The following TAFA1 variants were observed in gnomAD, a reference collection of about 807,000 sequenced individuals.
The protein encoded by TAFA1 is TAFA chemokine like family member 1, also known as chemokine-like protein TAFA-1.
In TAFA1, 4 loss-of-function variants were observed where a neutral mutation model predicts 18.5. That is an observed-to-expected ratio of 0.22 (90% CI 0.11 to 0.49). The LOEUF (loss-of-function observed/expected upper bound fraction) is 0.49, where lower values mean the gene tolerates loss of function less well. Among genes scored for constraint, TAFA1 ranks in the 20% least tolerant of loss-of-function variants. The probability of loss-of-function intolerance (pLI) is 0.98; values close to 1 mark genes in which losing one functional copy is unlikely to be tolerated. For synonymous variants in TAFA1, 56 were observed against 55.2 expected, an observed-to-expected ratio of 1.01 and a Z score of -0.06; for missense variants, 147 against 169.0, an observed-to-expected ratio of 0.87 and a Z score of 0.72.
chr3:68,451,740 C>T (rs1438619416), intron 3 of TAFA1, among the ~76,000 whole-genome samples: 1 of 152,198 alleles, frequency 6.6e-6, no homozygotes, highest in African/African-American at 2.4e-5. Flanking sequence ...ACTCTCTCCA[C>T]ATCATAGGGA....
At chr3:68,496,999 A>C (rs1228124933) in intron 3 of TAFA1, among the ~76,000 whole-genome samples, 1 of 152,122 alleles carries the variant, frequency 6.6e-6, no homozygotes, top group Non-Finnish European at 1.5e-5. Flanking sequence ...AGACCTTTGA[A>C]CTGCCTTCAT....
intron 2 of TAFA1, among the ~76,000 whole-genome samples, chr3:68,266,496 A>G (rs1240034001): frequency 2.6e-5 from 4 of 152,138 alleles, no homozygotes; most frequent in African/African-American, 9.7e-5. Context: ...CATGGTTTAT[A>G]AGGGTTTTCA....
intron 3 of TAFA1, among the ~76,000 whole-genome samples, chr3:68,501,154 GA>G (rs57247656): frequency 0.5 from 45,921 of 91,328 alleles, 10,299 homozygotes; most frequent in African/African-American, 0.72. Flanking sequence ...GACCCTGTCT[GA>G]AAAAAAAAAA....
rs182664896 is a variant in TAFA1, at chr3:68,356,606, G to A, written c.119-60674G>A. Among the ~76,000 whole-genome samples, 525 of 151,740 alleles carry A rather than the reference G, an allele frequency of 3.5e-3. 4 individuals are homozygous for A. The highest frequency in any genetic ancestry group is 9.9e-3 in the Admixed American group (150 of 15,200). On this transcript the variant is annotated intron_variant, in intron 2 of 4. Coordinates refer to ENST00000478136, the MANE Select transcript of TAFA1 (RefSeq NM_213609.4). ...ACATGCAGTATCTGATTTAATTCCC[G>A]CCACCATCCTGTGAGATGGCTTCTC...
At chr3:68,290,352 T>A (rs1039557118) in intron 2 of TAFA1, among the ~76,000 whole-genome samples, 13 of 152,170 alleles carry the variant, frequency 8.5e-5, no homozygotes. Context: ...AACACTACCC[T>A]TAAAATACAC....
chr3:68,134,701 T>A (rs573336911), intron 2 of TAFA1, among the ~76,000 whole-genome samples: 1 of 152,292 alleles, frequency 6.6e-6, no homozygotes, highest in Admixed American at 6.5e-5. Flanking sequence ...ACCTATCGAC[T>A]CCATGCTATT....
At chr3:68,500,458 G>T (rs2072637715) in intron 3 of TAFA1, among the ~76,000 whole-genome samples, 1 of 152,064 alleles carries the variant, frequency 6.6e-6, no homozygotes, top group South Asian at 2.1e-4. Flanking sequence ...ACTTGTTACA[G>T]ACCAGCAATA....
At position 68,417,270 on chromosome 3, in the gene TAFA1, C is replaced by T. The variant is rs773990810; in HGVS notation, c.119-10C>T. ...TCTAATCAGTGTCCCTGTTCTTTCT[C>T]TCTTGCCAGAAGGAGGGACGTGTGA... On this transcript the variant is annotated splice_polypyrimidine_tract_variant and intron_variant, in intron 2 of 4. Transcript: ENST00000478136. 3.7e-6 allele frequency: 6 copies of T among 1,612,088 alleles called. No individual in the cohort carries two copies. Among genetic ancestry groups the T allele is most frequent in the Non-Finnish European group, 8.5e-7 (1 of 1,178,938 alleles).
chr3:68,517,288 T>A (rs1171681851), intron 3 of TAFA1, among the ~76,000 whole-genome samples: 1 of 152,234 alleles, frequency 6.6e-6, no homozygotes, highest in East Asian at 1.9e-4. Flanking sequence ...CCGCAGAGAA[T>A]GTAATACCAG....
intron 2 of TAFA1, among the ~76,000 whole-genome samples, chr3:68,243,836 T>C (rs1436794381): frequency 2.0e-5 from 3 of 152,190 alleles, no homozygotes; most frequent in African/African-American, 7.2e-5. Context: ...GGTAAGTCCA[T>C]TTTTAATTAC....
At chr3:68,462,484 T>A (rs2071802589) in intron 3 of TAFA1, among the ~76,000 whole-genome samples, 1 of 152,256 alleles carries the variant, frequency 6.6e-6, no homozygotes, top group Non-Finnish European at 1.5e-5. Context: ...GAGGCCTCAC[T>A]AGCCATGTGG....
chr3:68,235,944 C>A (rs2066923089), intron 2 of TAFA1, among the ~76,000 whole-genome samples: 1 of 152,130 alleles, frequency 6.6e-6, no homozygotes, highest in Non-Finnish European at 1.5e-5. Context: ...GAAATGAGCA[C>A]CATTCTAGAC....
At chr3:68,399,782 C>G (rs995873330) in intron 2 of TAFA1, among the ~76,000 whole-genome samples, 1 of 152,104 alleles carries the variant, frequency 6.6e-6, no homozygotes, top group Non-Finnish European at 1.5e-5. Context: ...AACACTAAAA[C>G]TTAATTCTAA....
chr3:68,397,349 C>T (rs1488279075), intron 2 of TAFA1, among the ~76,000 whole-genome samples: 4 of 152,088 alleles, frequency 2.6e-5, no homozygotes, highest in South Asian at 2.1e-4. Context: ...GTGTGATGTT[C>T]CCCTTTCTGT....
chr3:68,522,950 C>T (rs554203719), intron 3 of TAFA1, among the ~76,000 whole-genome samples: 67 of 152,312 alleles, frequency 4.4e-4, no homozygotes, highest in Middle Eastern at 3.4e-3. Context: ...GTGGTGTGCA[C>T]CTGTGATCTC....
intron 2 of TAFA1, among the ~76,000 whole-genome samples, chr3:68,407,553 C>A (rs1384588974): frequency 6.6e-6 from 1 of 152,138 alleles, no homozygotes; most frequent in Non-Finnish European, 1.5e-5. Context: ...CTTTGGATAT[C>A]CCTCAACCTT....
intron 2 of TAFA1, among the ~76,000 whole-genome samples, chr3:68,314,219 G>A (rs568504644): frequency 1.2e-4 from 18 of 152,286 alleles, no homozygotes; most frequent in African/African-American, 3.4e-4. Context: ...ATTAGGTAGC[G>A]ATAGTTGACC....
intron 2 of TAFA1, among the ~76,000 whole-genome samples, chr3:68,174,979 T>A (rs1389982086): frequency 2.6e-5 from 4 of 152,198 alleles, no homozygotes; most frequent in Non-Finnish European, 5.9e-5. Flanking sequence ...GCAGCCCAGC[T>A]GCTCCAGCCA....
At chr3:68,348,705 A>G (rs1009771009) in intron 2 of TAFA1, among the ~76,000 whole-genome samples, 4 of 152,124 alleles carry the variant, frequency 2.6e-5, no homozygotes, top group African/African-American at 9.7e-5. Flanking sequence ...TATTTCAATC[A>G]AAGTTTCTTT....
Sources: allele counts gnomAD v4.1 joint callset (sites outside exome capture counted in the v4.1 genomes callset), GRCh38; gene constraint gnomAD v4.1.1; transcripts MANE v1.5; gene names NCBI Gene and HGNC (gene_info 2026-07-23, HGNC 2026-07-21).